The following ZPBP variants were observed in gnomAD, a reference collection of about 807,000 sequenced individuals.
ZPBP encodes the protein zona pellucida-binding protein 1.
A neutral mutation model predicts 44.8 loss-of-function variants in ZPBP; 26 were observed. The observed-to-expected ratio is 0.58, with a 90% confidence interval of 0.43 to 0.81. The LOEUF (loss-of-function observed/expected upper bound fraction) is 0.81. Among genes scored for constraint, ZPBP ranks in the 30% least tolerant of loss-of-function variants. The pLI, the probability that ZPBP is intolerant of heterozygous loss-of-function variation, is 0.00. For synonymous variants in ZPBP, 174 were observed against 153.2 expected (o/e 1.14, Z -1.00); for missense variants, 409 against 434.0 (o/e 0.94, Z 0.51).
chr7:49,951,715 C>G (rs1011672105), intron 7 of ZPBP, among the ~76,000 whole-genome samples: 11 of 151,490 alleles, frequency 7.3e-5, no homozygotes, highest in Non-Finnish European at 1.3e-4. Flanking sequence ...TGGAATGACC[C>G]TGTAATTCCA....
chr7:49,862,319 T>A (rs80326219), intron 2 of ZPBP, among the ~76,000 whole-genome samples: 4,181 of 152,288 alleles, frequency 0.027, 158 homozygotes, highest in South Asian at 0.12. Context: ...TGTGTCAATC[T>A]TGTAACCAGC....
At chr7:49,877,846 C>A (rs1791508713) in intron 2 of ZPBP, among the ~76,000 whole-genome samples, 1 of 151,912 alleles carries the variant, frequency 6.6e-6, no homozygotes, top group South Asian at 2.1e-4. Flanking sequence ...ATTTCCCCAC[C>A]ACACTGTTAA....
intron 3 of ZPBP, among the ~76,000 whole-genome samples, chr7:50,069,393 C>T (rs969917275): frequency 7.2e-5 from 11 of 152,248 alleles, no homozygotes; most frequent in African/African-American, 2.2e-4. Context: ...GCCAGCACAG[C>T]TAGTTTCTCT....
At chr7:49,944,972 AT>A (rs1425924596) in intron 7 of ZPBP, among the ~76,000 whole-genome samples, 11 of 151,810 alleles carry the variant, frequency 7.2e-5, no homozygotes, top group African/African-American at 2.7e-4. Flanking sequence ...GCTTTTGTTG[AT>A]GTAGGTGCCT....
chr7:50,056,376 G>A (rs1302845253), intron 4 of ZPBP: 2 of 152,012 alleles, frequency 1.3e-5, no homozygotes, highest in East Asian at 1.9e-4. Flanking sequence ...TTTTGTCAGC[G>A]CATTTCCTTT....
intron 6 of ZPBP, among the ~76,000 whole-genome samples, chr7:50,001,401 C>T (rs184868470): frequency 6.8e-4 from 104 of 152,118 alleles, no homozygotes; most frequent in Non-Finnish European, 1.3e-3. Context: ...AATAATTGAA[C>T]ATCTTTTCCT....
chr7:49,948,106 C>T (rs1478057971), intron 7 of ZPBP, among the ~76,000 whole-genome samples: 5 of 152,182 alleles, frequency 3.3e-5, no homozygotes, highest in East Asian at 3.9e-4. Flanking sequence ...GGGCTACCCC[C>T]TAGCTCAGAG....
chr7:50,041,891 T>C (rs115010534), intron 4 of ZPBP, among the ~76,000 whole-genome samples: 1,952 of 152,214 alleles, frequency 0.013, 36 homozygotes, highest in African/African-American at 0.044. Context: ...CTAAGGAGCA[T>C]GTTGTAATCA....
intron 1 of ZPBP, chr7:49,916,312 C>T (rs1793721701): frequency 6.6e-6 from 1 of 152,182 alleles, no homozygotes; most frequent in Non-Finnish European, 1.5e-5. Flanking sequence ...GCTGGTGAGA[C>T]TTCTGGGCCC....
At chr7:49,870,845 A>G (rs1266513258) in intron 2 of ZPBP, among the ~76,000 whole-genome samples, 1 of 152,252 alleles carries the variant, frequency 6.6e-6, no homozygotes, top group Non-Finnish European at 1.5e-5. Flanking sequence ...TTGTGGGAGA[A>G]TCCCAGTTCA....
At chr7:49,887,669 T>C (rs1444776571) in intron 2 of ZPBP, among the ~76,000 whole-genome samples, 1 of 152,148 alleles carries the variant, frequency 6.6e-6, no homozygotes, top group Non-Finnish European at 1.5e-5. Context: ...CTTCTAAAAT[T>C]TCGGTGAATT....
intron 5 of ZPBP, among the ~76,000 whole-genome samples, chr7:50,027,031 G>A (rs975710094): frequency 1.3e-5 from 2 of 151,846 alleles, no homozygotes; most frequent in Non-Finnish European, 2.9e-5. Context: ...AACACGGAAC[G>A]TTAAGTTACA....
At chr7:49,981,251 TTA>T (rs1212459978) in intron 7 of ZPBP, among the ~76,000 whole-genome samples, 3 of 116,178 alleles carry the variant, frequency 2.6e-5, no homozygotes, top group African/African-American at 9.8e-5. Context: ...TTTATATATG[TTA>T]TATATAATAT....
chr7:49,972,625 G>A (rs527938336), intron 7 of ZPBP, among the ~76,000 whole-genome samples: 29 of 152,128 alleles, frequency 1.9e-4, no homozygotes, highest in African/African-American at 7.0e-4. Context: ...TGGATTGGTA[G>A]ACTTAATATT....
intron 3 of ZPBP, among the ~76,000 whole-genome samples, chr7:50,067,138 C>G (rs546880658): frequency 1.3e-5 from 2 of 152,144 alleles, no homozygotes; most frequent in East Asian, 3.9e-4. Flanking sequence ...TTTTTCATAC[C>G]TAACCATGCA....
At position 49,956,252 on chromosome 7, in the gene ZPBP, T is replaced by A. The variant is rs187406023; in HGVS notation, c.962-18630A>T. Reference sequence around the variant, plus strand: ...AAATCTTAAATATCTAAAAATATTTTGAATTTAATAATAATGAATATATAA... The same window carrying A: ...AAATCTTAAATATCTAAAAATATTTAGAATTTAATAATAATGAATATATAA... On this transcript the variant is annotated intron_variant, in intron 7 of 7. Transcript: ENST00000046087. Among the ~76,000 whole-genome samples, 414 of 152,184 alleles carry A rather than the reference T, an allele frequency of 2.7e-3. 1 individual carries two copies. Among genetic ancestry groups the A allele is most frequent in the Non-Finnish European group, 4.4e-3 (296 of 67,958 alleles).
intron 3 of ZPBP, among the ~76,000 whole-genome samples, chr7:50,059,662 G>A (rs2128831613): frequency 6.6e-6 from 1 of 152,272 alleles, no homozygotes; most frequent in Middle Eastern, 3.4e-3. Context: ...CATCATCAAT[G>A]AGATTACATA....
At chr7:50,070,833 G>A (rs1457783710) in intron 3 of ZPBP, among the ~76,000 whole-genome samples, 1 of 152,080 alleles carries the variant, frequency 6.6e-6, no homozygotes, top group Non-Finnish European at 1.5e-5. Flanking sequence ...TACTTTTCAA[G>A]GAAAAACATG....
chr7:50,077,949 T>C (rs1733099472), intron 3 of ZPBP, among the ~76,000 whole-genome samples: 1 of 151,788 alleles, frequency 6.6e-6, no homozygotes, highest in African/African-American at 2.4e-5. Flanking sequence ...TTCCTGTGTG[T>C]TGCAGCACTG....
Sources: allele counts gnomAD v4.1 joint callset (sites outside exome capture counted in the v4.1 genomes callset), GRCh38; gene constraint gnomAD v4.1.1; transcripts MANE v1.5; gene names NCBI Gene and HGNC (gene_info 2026-07-23, HGNC 2026-07-21).